The following DOCK11 variants were observed in gnomAD, a reference collection of about 807,000 sequenced individuals.
DOCK11 encodes dedicator of cytokinesis 11.
DOCK11 carries 70 observed loss-of-function variants against 169.1 expected under a neutral mutation model. The observed-to-expected ratio is 0.41, with a 90% CI of 0.34 to 0.51. The LOEUF is 0.51. Ranked by LOEUF, DOCK11 falls within the 20% of genes least tolerant of loss-of-function variation. The pLI, the probability that DOCK11 is intolerant of heterozygous loss-of-function variation, is 0.10. For missense variants in DOCK11, 1,166 were observed against 1,538.8 expected (o/e 0.76, Z 4.05); for synonymous variants, 529 against 541.3 (o/e 0.98, Z 0.32).
At chrX:118,641,531 C>T (rs762691411) in intron 39 of DOCK11, among the ~76,000 whole-genome samples, 1 of 111,557 alleles carries the variant, frequency 9.0e-6, no homozygotes, top group African/African-American at 3.3e-5. Context: ...AAGCTCTCTT[C>T]TACCTCTTAA....
chrX:118,654,928 G>A lies in DOCK11; in HGVS notation c.4936G>A (p.Ala1646Thr). The A allele has an allele frequency of 8.3e-7, 1 of 1,209,448 alleles. No homozygotes were observed. The highest frequency in any genetic ancestry group is 1.1e-6 in the Non-Finnish European group (1 of 893,412). Reference sequence around the variant, plus strand: ...GGCTGCGATGTGTTATGTCCATGTAGCAGCTCTAGTTGCAGAGTTTCTTCA... The same window carrying A: ...GGCTGCGATGTGTTATGTCCATGTAACAGCTCTAGTTGCAGAGTTTCTTCA... ...SEAAMCYVHV[A>T]ALVAEFLHRK... is the part of the protein sequence containing the mutation. The change falls in exon 44 of 53, where the codon GCA becomes ACA. Residue 1646 changes from alanine (A) to threonine (T), a missense_variant. Coordinates refer to ENST00000276202, the MANE Select transcript of DOCK11 (RefSeq NM_144658.4).
At chrX:118,524,076 T>G (rs1048759826) in intron 1 of DOCK11, among the ~76,000 whole-genome samples, 9 of 112,159 alleles carry the variant, frequency 8.0e-5, no homozygotes, top group African/African-American at 2.3e-4. Context: ...GTAAGATCTA[T>G]GTCCTCCCCA....
chrX:118,496,375 G>C lies in DOCK11; in HGVS notation c.102+302G>C, dbSNP rs2057537157. ...GGCTCCCACCCAGGGTCGGGGCCGG[G>C]GGTGTGAGCTAAAGAGCTGACCTCG... On this transcript the variant is annotated intron_variant, in intron 1 of 52. Transcript: ENST00000276202. 2.7e-5 allele frequency among the ~76,000 whole-genome samples: 3 copies of C among 112,190 alleles called. No homozygotes were observed. The Admixed American group carries it at 2.8e-4, about 10-fold the overall frequency.
intron 7 of DOCK11, among the ~76,000 whole-genome samples, chrX:118,563,590 A>G (rs141475139): frequency 0.017 from 1,910 of 110,242 alleles, 33 homozygotes; most frequent in African/African-American, 0.058. Flanking sequence ...ATATATATTC[A>G]TATATATAAA....
chrX:118,531,494 C>CAGCCTTTG (rs2011581368), intron 1 of DOCK11, among the ~76,000 whole-genome samples: 1 of 96,662 alleles, frequency 1.0e-5, no homozygotes, highest in Admixed American at 1.2e-4. Flanking sequence ...CTTTTCTTGA[C>CAGCCTTTG]AGCCTTTGAG....
At chrX:118,674,939 CTT>C (rs1437327678) in intron 46 of DOCK11, among the ~76,000 whole-genome samples, 1 of 112,068 alleles carries the variant, frequency 8.9e-6, no homozygotes, top group Non-Finnish European at 1.9e-5. Flanking sequence ...GATTGAGTGT[CTT>C]TTCGTGTCCT....
chrX:118,601,298 C>A (rs1197959147), intron 23 of DOCK11, among the ~76,000 whole-genome samples: 1 of 109,105 alleles, frequency 9.2e-6, no homozygotes, highest in Non-Finnish European at 1.9e-5. Flanking sequence ...GTGGCACACA[C>A]CTGTAATCTC....
chrX:118,632,408 A>T (rs1374171058), intron 35 of DOCK11: 1 of 112,040 alleles, frequency 8.9e-6, no homozygotes, highest in Non-Finnish European at 1.9e-5. Context: ...TAAAAAGCAC[A>T]TTTTCAATAA....
At chrX:118,607,026 C>T (rs998725373) in intron 24 of DOCK11, among the ~76,000 whole-genome samples, 2 of 108,652 alleles carry the variant, frequency 1.8e-5, no homozygotes, top group African/African-American at 3.3e-5. Context: ...TATTCCTTTC[C>T]TTTCCTTCTC....
intron 30 of DOCK11, among the ~76,000 whole-genome samples, chrX:118,617,491 C>CAA (rs35955845): frequency 0.057 from 5,445 of 94,898 alleles, 166 homozygotes; most frequent in Non-Finnish European, 0.084. Flanking sequence ...GACTCTGTCT[C>CAA]AAAAAAAAAA....
chrX:118,615,793 T>G lies in DOCK11; in HGVS notation c.3292+82T>G, dbSNP rs766403611. On this transcript the variant is annotated intron_variant, in intron 30 of 52. Coordinates refer to ENST00000276202, the MANE Select transcript of DOCK11 (RefSeq NM_144658.4). ...CTAGTGTAGTATAATGTTTTCTAGT[T>G]GAACCAGTCAACTTGAAGGTAATTT... is the stretch of plus-strand genomic sequence containing the variant. 1.1e-5 allele frequency: 8 copies of G among 732,456 alleles called. No homozygotes were observed. The East Asian group carries it at 2.8e-4, about 25-fold the overall frequency. 60.4% of individuals were successfully genotyped at this position (732,456 alleles called of 1,213,427 possible).
chrX:118,645,199 G>A (rs1194774630), intron 40 of DOCK11, among the ~76,000 whole-genome samples: 1 of 111,291 alleles, frequency 9.0e-6, no homozygotes, highest in African/African-American at 3.3e-5. Flanking sequence ...TCTTTGCTCT[G>A]GAGAGGGATC....
chrX:118,670,031 T>C (rs1008991353), intron 45 of DOCK11, among the ~76,000 whole-genome samples: 1 of 111,958 alleles, frequency 8.9e-6, no homozygotes, highest in African/African-American at 3.2e-5. Flanking sequence ...CTGCAATGAC[T>C]TTATTTTCAA....
intron 1 of DOCK11, among the ~76,000 whole-genome samples, chrX:118,517,153 A>G (rs1030536434): frequency 9.0e-6 from 1 of 111,225 alleles, no homozygotes; most frequent in Non-Finnish European, 1.9e-5. Flanking sequence ...CAGGAGGCTG[A>G]GGTGGGAGGA....
intron 1 of DOCK11, among the ~76,000 whole-genome samples, chrX:118,497,477 C>T (rs2057545504): frequency 8.9e-6 from 1 of 112,257 alleles, no homozygotes; most frequent in Non-Finnish European, 1.9e-5. Context: ...TGGCTAGACC[C>T]TTGAAAGTTT....
In DOCK11 at chrX:118,639,589, T is replaced by C. The variant is rs1352661506; in HGVS notation, c.4144+12T>C. The C allele has an allele frequency of 8.3e-7, 1 of 1,203,962 alleles. No homozygotes were observed. Among genetic ancestry groups the C allele is most frequent in the Non-Finnish European group, 1.1e-6 (1 of 890,471 alleles). On this transcript the variant is annotated intron_variant, in intron 38 of 52. Coordinates refer to ENST00000276202, the MANE Select transcript of DOCK11 (RefSeq NM_144658.4). The stretch of plus-strand genomic sequence containing the variant: ...TACACTTAATCACAGTAAGTGAAAA[T>C]GTGTGTGTGGTACCCATTTGACCTT...
rs143080470 is a variant in DOCK11, at chrX:118,549,909, G to A, written c.558+3793G>A. Reference sequence around the variant, plus strand: ...AAGTTAATAGGAAATACTTTGAAATGCAAAGGCCATATTGAGGTTTGGGAG... The same window carrying A: ...AAGTTAATAGGAAATACTTTGAAATACAAAGGCCATATTGAGGTTTGGGAG... On this transcript the variant is annotated intron_variant, in intron 6 of 52. Coordinates refer to ENST00000276202, the MANE Select transcript of DOCK11 (RefSeq NM_144658.4). Among the ~76,000 whole-genome samples, 744 of 111,673 alleles carry A rather than the reference G, an allele frequency of 6.7e-3. 16 individuals carry two copies. In the South Asian group the frequency reaches 0.069, roughly 10 times the overall value.
intron 27 of DOCK11, 108 bp downstream of exon 27, chrX:118,609,457 C>A: frequency 1.8e-6 from 1 of 556,201 alleles, no homozygotes. Context: ...CTCAGATAGC[C>A]ATGCCATGCA....
intron 6 of DOCK11, among the ~76,000 whole-genome samples, chrX:118,556,157 G>T (rs1307076508): frequency 9.3e-6 from 1 of 107,264 alleles, no homozygotes; most frequent in Non-Finnish European, 1.9e-5. Context: ...CACTTCTCCA[G>T]CCTCAGCCTC....
Sources: allele counts gnomAD v4.1 joint callset (sites outside exome capture counted in the v4.1 genomes callset), GRCh38; gene constraint gnomAD v4.1.1; transcripts MANE v1.5; gene names NCBI Gene and HGNC (gene_info 2026-07-23, HGNC 2026-07-21).